Variants in TSPAN17 observed in about 807,000 individuals in gnomAD.
TSPAN17 encodes tetraspanin 17.
A neutral mutation model predicts 40.5 loss-of-function variants in TSPAN17; 33 were observed. The observed-to-expected ratio is 0.81, with a 90% CI of 0.62 to 1.09. TSPAN17 has a LOEUF of 1.09. Among genes scored for constraint, TSPAN17 ranks in the 50% least tolerant of loss-of-function variants. The pLI, the probability that TSPAN17 is intolerant of heterozygous loss-of-function variation, is 0.00. For missense variants in TSPAN17, 365 were observed against 416.8 expected, an observed-to-expected ratio of 0.88 and a Z score of 1.08; for synonymous variants, 166 against 169.4, an observed-to-expected ratio of 0.98 and a Z score of 0.15.
chr5:176,651,508 G>C lies in TSPAN17; in HGVS notation c.88-108G>C. 2 of 1,225,112 alleles carry C rather than the reference G, an allele frequency of 1.6e-6. No individual in the cohort carries two copies. The highest frequency in any genetic ancestry group is 2.5e-5 in the East Asian group (1 of 39,508). The allele number at this position is 1,225,112 out of a possible 1,614,324, so 75.9% of individuals were successfully genotyped here. ...ACCCCGGATCCCGTTCACAGCCCTT[G>C]TGCCTCTTCCTCTCTCCGCTGGAAA... On this transcript the variant is annotated intron_variant, in intron 1 of 8. Transcript: ENST00000508164. This position sits in a 1 kb window ranked among gnomAD's most constrained non-coding sequence, Gnocchi z 4.5.
Position 176,654,846 on chromosome 5 carries a change from G to C in TSPAN17, c.457-49G>C, listed in dbSNP as rs376041408. ...TGGGCTTGTTCCCAAACAGGGTGAG[G>C]CTCCTGGGATGGGCCTGGCTCACCT... On this transcript the variant is annotated intron_variant, in intron 4 of 8. Coordinates refer to ENST00000508164, the MANE Select transcript of TSPAN17 (RefSeq NM_130465.5). The surrounding 1 kb of genome is among the most constrained non-coding windows in gnomAD (Gnocchi z 4.3). 4 of 1,604,800 alleles carry C rather than the reference G, an allele frequency of 2.5e-6. No individual in the cohort carries two copies. Among genetic ancestry groups the C allele is most frequent in the East Asian group, 2.2e-5 (1 of 44,710 alleles).
Position 176,657,024 on chromosome 5 carries a change from C to G in TSPAN17, c.809+68C>G, listed in dbSNP as rs973667693. 3 of 1,498,762 alleles carry G rather than the reference C, an allele frequency of 2.0e-6. No individual in the cohort carries two copies. The Admixed American group carries it at 5.7e-5, about 29-fold the overall frequency. 92.8% of individuals were successfully genotyped at this position (1,498,762 alleles called of 1,614,324 possible). A position where few individuals can be genotyped will look rare whatever the true frequency, so the allele number is the denominator to read the frequency against. ...GGCCTCTGGGGGGCCCCCCAGGACCCTCCTACTATACTCCTGACGGGCAAG... is the reference window on the plus strand; with the variant it reads ...GGCCTCTGGGGGGCCCCCCAGGACCGTCCTACTATACTCCTGACGGGCAAG... On this transcript the variant is annotated intron_variant, in intron 8 of 8. Transcript: ENST00000508164.
At position 176,656,144 on chromosome 5, in the gene TSPAN17, G is replaced by T; in HGVS notation, c.630+19G>T. 1 of 1,613,934 alleles carries T rather than the reference G, an allele frequency of 6.2e-7. No individual in the cohort carries two copies. Among genetic ancestry groups the T allele is most frequent in the Non-Finnish European group, 8.5e-7 (1 of 1,179,868 alleles). On this transcript the variant is annotated intron_variant, in intron 6 of 8. Transcript: ENST00000508164. ...CAAACTGGTGAGAGGGGTAGGAACCGGGCTGGGGCAGGCAGGCAGGGGTAC... is the reference window on the plus strand; with the variant it reads ...CAAACTGGTGAGAGGGGTAGGAACCTGGCTGGGGCAGGCAGGCAGGGGTAC...
In TSPAN17 at chr5:176,656,796, A is replaced by G. The variant is rs148674263; in HGVS notation, c.727A>G (p.Met243Val). The G allele has an allele frequency of 3.1e-6, 5 of 1,614,166 alleles. No individual in the cohort carries two copies. The highest frequency in any genetic ancestry group is 2.2e-5 in the East Asian group (1 of 44,874). ...DNLIVVAGVF[M>V]GIALLQIFGI... The stretch of plus-strand genomic sequence containing the variant: ...CCTGATTGTGGTGGCGGGAGTCTTC[A>G]TGGGCATCGCCCTCCTCCAGGTACC... The change falls in exon 7 of 9, where the codon ATG (methionine) becomes GTG (valine). Residue 243 changes from methionine (M) to valine (V), a missense_variant. Physicochemically the swap from Met to Val is conservative, Grantham distance 21. Coordinates refer to ENST00000508164, the MANE Select transcript of TSPAN17 (RefSeq NM_130465.5).
chr5:176,656,150 G>A lies in TSPAN17; in HGVS notation c.630+25G>A, dbSNP rs1048867737. 2.5e-6 allele frequency: 4 copies of A among 1,611,946 alleles called. No individual in the cohort carries two copies. In the South Asian group the frequency reaches 3.3e-5, roughly 13 times the overall value. On this transcript the variant is annotated intron_variant, in intron 6 of 8. Transcript: ENST00000508164. ...GGTGAGAGGGGTAGGAACCGGGCTG[G>A]GGCAGGCAGGCAGGGGTACTGGGTT...
Position 176,650,698 on chromosome 5 carries a change from G to A in TSPAN17, c.88-918G>A, listed in dbSNP as rs1760933212. Among the ~76,000 whole-genome samples, 1 of 152,214 alleles carries A rather than the reference G, an allele frequency of 6.6e-6. No individual in the cohort carries two copies. Among genetic ancestry groups the A allele is most frequent in the Non-Finnish European group, 1.5e-5 (1 of 68,042 alleles). On this transcript the variant is annotated intron_variant, in intron 1 of 8. Transcript: ENST00000508164. The surrounding 1 kb of genome is among the most constrained non-coding windows in gnomAD (Gnocchi z 4.0). ...CGGTCAGGGAAGGGAAGGTGATAAAGGCCTTGGCCGTGGCTATGTGCTGAG... is the reference window on the plus strand; with the variant it reads ...CGGTCAGGGAAGGGAAGGTGATAAAAGCCTTGGCCGTGGCTATGTGCTGAG...
chr5:176,650,654 G>C lies in TSPAN17; in HGVS notation c.88-962G>C, dbSNP rs919017567. Among the ~76,000 whole-genome samples, 5 of 152,326 alleles carry C rather than the reference G, an allele frequency of 3.3e-5. No homozygotes were observed. Among genetic ancestry groups the C allele is most frequent in the Middle Eastern group, 6.8e-3 (2 of 294 alleles). On this transcript the variant is annotated intron_variant, in intron 1 of 8. Coordinates refer to ENST00000508164, the MANE Select transcript of TSPAN17 (RefSeq NM_130465.5). This position sits in a 1 kb window ranked among gnomAD's most constrained non-coding sequence, Gnocchi z 4.0. ...GGAAGATGTTTCCAGAGAAAGAATA[G>C]AGCAGTGTGGGGAGCCCACGGTCAG...
chr5:176,657,149 C>T (rs1418723352), intron 8 of TSPAN17, 193 bp downstream of exon 8: 7 of 654,270 alleles, frequency 1.1e-5, no homozygotes, highest in Middle Eastern at 4.1e-4. Context: ...CCGCCTGGGC[C>T]TCTTGTCCCA....
In TSPAN17 at chr5:176,647,633, G is replaced by C. The variant is rs1240774036; in HGVS notation, c.18G>C (p.Gln6His). Residue 6 changes from glutamine to histidine, a missense_variant, in exon 1 of 9, where the codon CAG becomes CAC. Gln to His is a conservative substitution (Grantham distance 24). Transcript: ENST00000508164. MPGKH[Q>H]HFQEPEVGCC... ...CGCTCACCATGCCCGGCAAGCACCAGCATTTCCAGGAACCTGAGGTCGGCT... is the reference window on the plus strand; with the variant it reads ...CGCTCACCATGCCCGGCAAGCACCACCATTTCCAGGAACCTGAGGTCGGCT... The C allele has an allele frequency of 6.3e-7, 1 of 1,591,482 alleles. No individual in the cohort carries two copies. The highest frequency in any genetic ancestry group is 8.5e-7 in the Non-Finnish European group (1 of 1,170,242).
rs1761225773 is a variant in TSPAN17, at chr5:176,658,036, G to C, written c.*338G>C. On this transcript the variant is annotated 3_prime_UTR_variant, in exon 9 of 9. Transcript: ENST00000508164. ...ACTGCGGTGGGAGTAGAGTGCCCAG[G>C]AGAGGGTCTGAGGGGTGGGATGGGG... 1 of 215,350 alleles carries C rather than the reference G, an allele frequency of 4.6e-6. No homozygotes were observed. The highest frequency in any genetic ancestry group is 9.2e-6 in the Non-Finnish European group (1 of 108,638). The allele number at this position is 215,350 out of a possible 1,614,324, so 13.3% of individuals were successfully genotyped here.
chr5:176,652,479 T>G (rs1166819108), intron 3 of TSPAN17, among the ~76,000 whole-genome samples: 1 of 152,194 alleles, frequency 6.6e-6, no homozygotes, highest in Admixed American at 6.5e-5. Flanking sequence ...ATCCGAACCT[T>G]GGAAACTAAA....
At chr5:176,657,030 C>CAG in intron 8 of TSPAN17, 74 bp downstream of exon 8, 1 of 1,456,176 alleles carries the variant, frequency 6.9e-7, no homozygotes, top group East Asian at 2.3e-5. Context: ...GACCCTCCTA[C>CAG]TATACTCCTG....
chr5:176,657,062 G>A, intron 8 of TSPAN17, 106 bp downstream of exon 8: 2 of 1,200,348 alleles, frequency 1.7e-6, no homozygotes, highest in Non-Finnish European at 2.3e-6. Context: ...TGCAGGAGAT[G>A]TTCCTGCTGG....
intron 1 of TSPAN17, among the ~76,000 whole-genome samples, chr5:176,648,456 C>T (rs1238302641): frequency 1.3e-5 from 2 of 152,254 alleles, no homozygotes; most frequent in African/African-American, 2.4e-5. Flanking sequence ...CCTGCCAGGT[C>T]ATTTTTCCCA....
Position 176,652,899 on chromosome 5 carries a change from T to G in TSPAN17, c.442T>G (p.Phe148Val), listed in dbSNP as rs1477798902. The change falls in exon 4 of 9, where the codon TTT becomes GTT. Residue 148 changes from phenylalanine (F) to valine (V), a missense_variant. Coordinates refer to ENST00000508164, the MANE Select transcript of TSPAN17 (RefSeq NM_130465.5). ...CATTGACCTCCAGAACCTCATTGAC[T>G]TTGCTCAGGAATACGTGAGTCCAGT... ...DDIDLQNLID[F>V]AQEYWSCCGA... 2 of 1,614,112 alleles carry G rather than the reference T, an allele frequency of 1.2e-6. No individual in the cohort carries two copies. Among genetic ancestry groups the G allele is most frequent in the Admixed American group, 3.3e-5 (2 of 60,026 alleles).
intron 3 of TSPAN17, 113 bp downstream of exon 3, chr5:176,652,013 C>A: frequency 7.1e-7 from 1 of 1,406,578 alleles, no homozygotes; most frequent in Non-Finnish European, 9.6e-7. Context: ...TAATCGTCAT[C>A]GTTAGATTCA....
At chr5:176,649,106 C>T (rs1760860729) in intron 1 of TSPAN17, among the ~76,000 whole-genome samples, 1 of 151,930 alleles carries the variant, frequency 6.6e-6, no homozygotes, top group African/African-American at 2.4e-5. Context: ...TGGGTCTGAT[C>T]TGGCTTCTGT....
chr5:176,657,863 G>A lies in TSPAN17; in HGVS notation c.*165G>A, dbSNP rs1235226841. ...GTGCCGCCTGACCCTTGTACACTAG[G>A]AGCTGGCCTCCCACCTCTGCAGGGT... On this transcript the variant is annotated 3_prime_UTR_variant, in exon 9 of 9. Coordinates refer to ENST00000508164, the MANE Select transcript of TSPAN17 (RefSeq NM_130465.5). 3 of 1,293,382 alleles carry A rather than the reference G, an allele frequency of 2.3e-6. No homozygotes were observed. The highest frequency in any genetic ancestry group is 1.7e-5 in the South Asian group (1 of 60,080). 80.1% of individuals were successfully genotyped at this position (1,293,382 alleles called of 1,614,324 possible).
In TSPAN17 at chr5:176,654,874, G is replaced by A. The variant is rs1247572624; in HGVS notation, c.457-21G>A. On this transcript the variant is annotated intron_variant, in intron 4 of 8. Coordinates refer to ENST00000508164, the MANE Select transcript of TSPAN17 (RefSeq NM_130465.5). The surrounding 1 kb of genome is among the most constrained non-coding windows in gnomAD (Gnocchi z 4.3). ...CCTGGGATGGGCCTGGCTCACCTGG[G>A]GCTCTCCCCTGCCCCCACAGTGGTC... The A allele has an allele frequency of 1.9e-6, 3 of 1,612,612 alleles. No homozygotes were observed. The highest frequency in any genetic ancestry group is 1.3e-5 in the African/African-American group (1 of 74,914).
Sources: gnomAD v4.1 joint callset for allele counts (sites outside exome capture counted in the v4.1 genomes callset) on GRCh38, gnomAD v4.1.1 for gene constraint, Gnocchi (gnomAD v3.1) non-coding constraint, MANE v1.5 for transcripts, NCBI Gene and HGNC (gene_info 2026-07-23, HGNC 2026-07-21) for gene names.